SLC25A21: variants seen among roughly 807,000 people sequenced by gnomAD.
The protein encoded by SLC25A21 is mitochondrial 2-oxodicarboxylate carrier.
SLC25A21 carries 47 observed loss-of-function variants against 43.8 expected under a neutral mutation model. The observed-to-expected ratio is 1.07, with a 90% CI of 0.85 to 1.37. SLC25A21 has a LOEUF of 1.37. Ranked by LOEUF, SLC25A21 falls within the 40% of genes most tolerant of loss-of-function variation. The pLI, the probability that SLC25A21 is intolerant of heterozygous loss-of-function variation, is 0.00. For missense variants in SLC25A21, 352 were observed against 350.2 expected (o/e 1.00, Z -0.04); for synonymous variants, 131 against 121.3 (o/e 1.08, Z -0.52).
At chr14:36,759,489 C>T (rs1886060601) in intron 3 of SLC25A21, among the ~76,000 whole-genome samples, 1 of 152,180 alleles carries the variant, frequency 6.6e-6, no homozygotes, top group Admixed American at 6.5e-5. Context: ...AGCAGACAAG[C>T]TCTAAATGTT....
intron 2 of SLC25A21, among the ~76,000 whole-genome samples, chr14:36,849,462 A>C (rs1165817701): frequency 1.3e-5 from 2 of 152,228 alleles, no homozygotes; most frequent in African/African-American, 2.4e-5. Flanking sequence ...AAAAACTATC[A>C]CTACTAGTCT....
chr14:37,029,458 C>A (rs575899348), intron 1 of SLC25A21, among the ~76,000 whole-genome samples: 23 of 152,172 alleles, frequency 1.5e-4, no homozygotes, highest in Admixed American at 1.5e-3. Context: ...AATTTTACAA[C>A]GAAAGCTGGG....
intron 1 of SLC25A21, among the ~76,000 whole-genome samples, chr14:37,159,815 C>T (rs544752354): frequency 1.3e-5 from 2 of 152,244 alleles, no homozygotes; most frequent in East Asian, 3.9e-4. Context: ...TATTTGCAAA[C>T]TATTCATCCA....
chr14:36,994,870 T>C (rs973617326), intron 1 of SLC25A21, among the ~76,000 whole-genome samples: 1 of 152,190 alleles, frequency 6.6e-6, no homozygotes, highest in South Asian at 2.1e-4. Flanking sequence ...AAATTTCAAG[T>C]TGAGTTACCA....
chr14:36,952,627 A>T lies in SLC25A21; in HGVS notation c.71-77623T>A, dbSNP rs1040965360. 2.0e-5 allele frequency among the ~76,000 whole-genome samples: 3 copies of T among 152,308 alleles called. No homozygotes were observed. The East Asian group carries it at 5.8e-4, about 29-fold the overall frequency. On this transcript the variant is annotated intron_variant, in intron 1 of 9. Coordinates refer to ENST00000331299, the MANE Select transcript of SLC25A21 (RefSeq NM_030631.4). ...AGACCGAATAAGTCTAGACTTAAAA[A>T]AAGTCCCACCATTTTCCAGATCCTT...
chr14:37,097,470 G>T (rs1962721500), intron 1 of SLC25A21, among the ~76,000 whole-genome samples: 1 of 152,020 alleles, frequency 6.6e-6, no homozygotes, highest in South Asian at 2.1e-4. Flanking sequence ...ATTGTTGAAG[G>T]GTTCTATTTG....
At chr14:36,967,919 G>A (rs1959656652) in intron 1 of SLC25A21, among the ~76,000 whole-genome samples, 1 of 152,064 alleles carries the variant, frequency 6.6e-6, no homozygotes, top group South Asian at 2.1e-4. Flanking sequence ...TCCATCAAAT[G>A]GTCACCCAAA....
chr14:36,765,821 C>G (rs1886392801), intron 3 of SLC25A21, among the ~76,000 whole-genome samples: 1 of 152,154 alleles, frequency 6.6e-6, no homozygotes, highest in South Asian at 2.1e-4. Flanking sequence ...CCCCTCCATA[C>G]AGATGGCAAT....
intron 1 of SLC25A21, among the ~76,000 whole-genome samples, chr14:36,903,532 G>A (rs1239230461): frequency 7.5e-6 from 1 of 133,194 alleles, no homozygotes; most frequent in Non-Finnish European, 1.6e-5. Flanking sequence ...AGAATCGCTT[G>A]AACCCAGGAG....
At position 36,678,562 on chromosome 14, in the gene SLC25A21, T is replaced by C. The variant is rs930154806; in HGVS notation, c.*2096A>G. ...TTTGGTGGAGACTTCTTTAAAACCATACCATACAGGGACTCTCCTGTCATC... is the reference window on the plus strand; with the variant it reads ...TTTGGTGGAGACTTCTTTAAAACCACACCATACAGGGACTCTCCTGTCATC... On this transcript the variant is annotated 3_prime_UTR_variant, in exon 10 of 10. Transcript: ENST00000331299. 2 of 1,535,574 alleles carry C rather than the reference T, an allele frequency of 1.3e-6. No individual in the cohort carries two copies. The highest frequency in any genetic ancestry group is 2.7e-5 in the African/African-American group (2 of 72,944).
At chr14:36,780,556 T>G (rs1216201392) in intron 3 of SLC25A21, among the ~76,000 whole-genome samples, 1 of 152,080 alleles carries the variant, frequency 6.6e-6, no homozygotes, top group Non-Finnish European at 1.5e-5. Context: ...CTCAAGATAT[T>G]TTTTGATTTC....
intron 6 of SLC25A21, among the ~76,000 whole-genome samples, chr14:36,715,998 G>A (rs1186997014): frequency 1.3e-5 from 2 of 152,092 alleles, no homozygotes; most frequent in Non-Finnish European, 2.9e-5. Flanking sequence ...GGCTGAGGCA[G>A]AAGAATCCCT....
chr14:37,097,446 G>A (rs112525410), intron 1 of SLC25A21, among the ~76,000 whole-genome samples: 2 of 152,064 alleles, frequency 1.3e-5, no homozygotes, highest in Admixed American at 1.3e-4. Flanking sequence ...TGATGTTCCT[G>A]GGGGAGGTAG....
intron 1 of SLC25A21, among the ~76,000 whole-genome samples, chr14:37,165,120 T>C (rs534635670): frequency 1.3e-5 from 2 of 152,328 alleles, no homozygotes; most frequent in Admixed American, 1.3e-4. Flanking sequence ...CTCACGCCTG[T>C]AATCCCAGCA....
At chr14:36,684,688 G>T (rs898077038) in intron 8 of SLC25A21, 56 bp downstream of exon 8, 3 of 1,502,964 alleles carry the variant, frequency 2.0e-6, no homozygotes, top group Non-Finnish European at 2.7e-6. Flanking sequence ...GGACAATACG[G>T]TTCTAACAAT....
intron 1 of SLC25A21, among the ~76,000 whole-genome samples, chr14:36,994,658 G>A (rs1960333649): frequency 6.6e-6 from 1 of 152,110 alleles, no homozygotes; most frequent in African/African-American, 2.4e-5. Context: ...ACAGAGGCCA[G>A]CGATATTGCG....
chr14:36,900,393 A>G (rs2138596721), intron 1 of SLC25A21, among the ~76,000 whole-genome samples: 2 of 152,210 alleles, frequency 1.3e-5, no homozygotes, highest in Admixed American at 1.3e-4. Flanking sequence ...AGAGCTTTAA[A>G]TCTCTGCGCA....
At chr14:36,719,679 G>A (rs1411174795) in intron 6 of SLC25A21, among the ~76,000 whole-genome samples, 2 of 152,176 alleles carry the variant, frequency 1.3e-5, no homozygotes, top group Non-Finnish European at 2.9e-5. Context: ...AGAAGTGTAG[G>A]CAAGACAAGC....
At chr14:36,826,955 C>A (rs1388419155) in intron 2 of SLC25A21, among the ~76,000 whole-genome samples, 2 of 152,200 alleles carry the variant, frequency 1.3e-5, no homozygotes, top group Non-Finnish European at 2.9e-5. Flanking sequence ...AGAAGCCAAA[C>A]AAGATCTAAT....
Sources: gnomAD v4.1 joint callset for allele counts (sites outside exome capture counted in the v4.1 genomes callset) on GRCh38, gnomAD v4.1.1 for gene constraint, MANE v1.5 for transcripts, NCBI Gene and HGNC (gene_info 2026-07-23, HGNC 2026-07-21) for gene names.